The following CRIPTO variants were observed in gnomAD, a reference collection of about 807,000 sequenced individuals.
The protein encoded by CRIPTO is protein Cripto.
chr3:46,578,091 T>C, the CRIPTO span: 2 of 1,457,090 alleles, frequency 1.4e-6, no homozygotes, highest in South Asian at 1.1e-5. Context: ...TCATTTGATT[T>C]TTCTCTTGCT....
At chr3:46,574,920 A>T in the CRIPTO span, among the ~76,000 whole-genome samples, 1 of 152,204 alleles carries the variant, frequency 6.6e-6, no homozygotes, top group Admixed American at 6.5e-5. Flanking sequence ...ACAATGTCTC[A>T]AGGGCAGTAC....
At chr3:46,579,808 C>T in the CRIPTO span, 1 of 1,613,862 alleles carries the variant, frequency 6.2e-7, no homozygotes. Flanking sequence ...TGTGCCTGCC[C>T]TCCCTCCTTC....
At chr3:46,575,635 CA>C in the CRIPTO span, among the ~76,000 whole-genome samples, 6 of 152,110 alleles carry the variant, frequency 3.9e-5, no homozygotes, top group African/African-American at 1.4e-4. Context: ...CAGTGATTTC[CA>C]GGGGTCCTAT....
At chr3:46,574,835 T>C in the CRIPTO span, among the ~76,000 whole-genome samples, 4 of 152,236 alleles carry the variant, frequency 2.6e-5, no homozygotes, top group African/African-American at 4.8e-5. Flanking sequence ...ATTCCACCAT[T>C]CTTGTTTGGA....
the CRIPTO span, chr3:46,578,975 C>A: frequency 1.8e-6 from 2 of 1,133,976 alleles, no homozygotes; most frequent in Admixed American, 1.7e-5. Context: ...AAAGATGGTG[C>A]TCTACAATTT....
chr3:46,579,985 C>A, the CRIPTO span: 2 of 1,614,136 alleles, frequency 1.2e-6, no homozygotes, highest in Non-Finnish European at 1.7e-6. Context: ...CACCTGGCTG[C>A]CCAAGAAGTG....
the CRIPTO span, chr3:46,578,125 C>A: frequency 9.5e-7 from 1 of 1,048,698 alleles, no homozygotes; most frequent in Non-Finnish European, 1.5e-6. Context: ...AGCTGCCAAC[C>A]GCACTGCTGT....
At chr3:46,580,082 TC>T in the CRIPTO span, 1 of 1,614,222 alleles carries the variant, frequency 6.2e-7, no homozygotes, top group South Asian at 1.1e-5. Context: ...TTCTCCTCTT[TC>T]TTTTGCCCTT....
At chr3:46,579,591 G>A in the CRIPTO span, 1 of 1,160,052 alleles carries the variant, frequency 8.6e-7, no homozygotes, top group Admixed American at 1.8e-5. Flanking sequence ...AACCACCACT[G>A]GCCTATGCAT....
chr3:46,577,336 G>A, the CRIPTO span: 1 of 154,830 alleles, frequency 6.5e-6, no homozygotes, highest in African/African-American at 2.4e-5. Flanking sequence ...ATCCCCCAGG[G>A]GGAGTACGGG....
the CRIPTO span, chr3:46,581,168 G>C: frequency 6.2e-6 from 10 of 1,614,052 alleles, no homozygotes; most frequent in African/African-American, 1.2e-4. Flanking sequence ...GTGGCTTCCA[G>C]GACTCCAGAA....
At chr3:46,578,299 T>C in the CRIPTO span, among the ~76,000 whole-genome samples, 6 of 150,482 alleles carry the variant, frequency 4.0e-5, no homozygotes, top group African/African-American at 1.5e-4. Context: ...CAACCAAATT[T>C]AAAATCTTCC....
At chr3:46,578,858 T>C in the CRIPTO span, among the ~76,000 whole-genome samples, 1 of 152,198 alleles carries the variant, frequency 6.6e-6, no homozygotes, top group Non-Finnish European at 1.5e-5. Flanking sequence ...TAGGTACTTA[T>C]GTGAGGACAG....
chr3:46,579,023 G>C, the CRIPTO span: 4 of 1,529,748 alleles, frequency 2.6e-6, no homozygotes, highest in African/African-American at 4.1e-5. Flanking sequence ...TGTGATGAGA[G>C]GACCTGGGTG....
the CRIPTO span, chr3:46,579,124 T>G: frequency 6.2e-7 from 1 of 1,613,800 alleles, no homozygotes. Flanking sequence ...ATTTCTAAAG[T>G]CTTTGAACTG....
At chr3:46,578,988 T>G in the CRIPTO span, 33 of 1,266,702 alleles carry the variant, frequency 2.6e-5, no homozygotes, top group Non-Finnish European at 3.4e-5. Context: ...TACAATTTCT[T>G]TTCAGTGATC....
At chr3:46,579,516 G>A in the CRIPTO span, 1 of 1,408,556 alleles carries the variant, frequency 7.1e-7, no homozygotes, top group Non-Finnish European at 9.9e-7. Flanking sequence ...GACAAGGATT[G>A]TGTATTTTAC....
chr3:46,581,094 G>A, the CRIPTO span: 1 of 1,471,724 alleles, frequency 6.8e-7, no homozygotes, highest in Non-Finnish European at 9.5e-7. Flanking sequence ...AACTGCCAGA[G>A]AGGTTTGCTT....
At chr3:46,574,733 A>G in the CRIPTO span, 2 of 152,174 alleles carry the variant, frequency 1.3e-5, no homozygotes, top group African/African-American at 4.8e-5. Flanking sequence ...TTGGCTTTTG[A>G]TAGCTAAAAT....
Sources: gnomAD v4.1 joint callset for allele counts (sites outside exome capture counted in the v4.1 genomes callset) on GRCh38, gnomAD v4.1.1 for gene constraint, MANE v1.5 for transcripts, NCBI Gene and HGNC (gene_info 2026-07-23, HGNC 2026-07-21) for gene names.